Variants in DHRS4L2 observed in about 807,000 individuals in gnomAD.
The protein encoded by DHRS4L2 is dehydrogenase/reductase SDR family member 4-like 2.
DHRS4L2 carries 22 observed loss-of-function variants against 23.9 expected under a neutral mutation model. That is an observed-to-expected ratio of 0.92 (90% CI 0.66 to 1.31). The LOEUF (loss-of-function observed/expected upper bound fraction) is 1.31, where lower values mean the gene tolerates loss of function less well. Ranked by LOEUF, DHRS4L2 falls within the 40% of genes most tolerant of loss-of-function variation. DHRS4L2 has a pLI of 0.00. For synonymous variants in DHRS4L2, 141 were observed against 123.7 expected (o/e 1.14, Z -0.93); for missense variants, 385 against 303.3 (o/e 1.27, Z -2.00).
intron 1 of DHRS4L2, among the ~76,000 whole-genome samples, chr14:23,975,542 GCTACCACTGA>G (rs1424443501): frequency 6.6e-6 from 1 of 151,634 alleles, no homozygotes; most frequent in Non-Finnish European, 1.5e-5. Flanking sequence ...TCCCCATCAA[GCTACCACTGA>G]CTTTCCTCAC....
At chr14:23,980,597 T>G (rs2034034251) in intron 1 of DHRS4L2, among the ~76,000 whole-genome samples, 1 of 148,806 alleles carries the variant, frequency 6.7e-6, no homozygotes. Flanking sequence ...ATCAAAAAGC[T>G]TATCCACCAT....
chr14:23,970,739 C>A lies in DHRS4L2; in HGVS notation c.-176+407C>A, dbSNP rs1474564703. Among the ~76,000 whole-genome samples, 5 of 152,050 alleles carry A rather than the reference C, an allele frequency of 3.3e-5. 1 individual carries two copies. Among genetic ancestry groups the A allele is most frequent in the African/African-American group, 1.2e-4 (5 of 41,438 alleles). ...AGTAGGGGCGGAGAGACACCTCATA[C>A]AGGTGGGTGCCCCTGTGGAACAAAG... On this transcript the variant is annotated intron_variant, in intron 1 of 5. Coordinates refer to the DHRS4L2 transcript ENST00000534993.
At position 23,996,128 on chromosome 14, in the gene DHRS4L2, A is replaced by G. The variant is rs1478707899; in HGVS notation, c.408+995A>G. ...TTTAAACAACTAGTTCTGGCATGAA[A>G]TAATAGAGTGAGAACTCACTCATTG... On this transcript the variant is annotated intron_variant, in intron 3 of 7. Transcript: ENST00000335125. Among the ~76,000 whole-genome samples, 17 of 151,770 alleles carry G rather than the reference A, an allele frequency of 1.1e-4. No homozygotes were observed. In the East Asian group the frequency reaches 1.4e-3, roughly 12 times the overall value.
intron 1 of DHRS4L2, among the ~76,000 whole-genome samples, chr14:23,983,231 CA>C (rs1346286719): frequency 2.6e-5 from 4 of 151,666 alleles, no homozygotes; most frequent in Admixed American, 2.6e-4. Context: ...AGGATGTGAA[CA>C]GACACTTCTC....
chr14:23,970,728 G>A (rs1351942456), intron 1 of DHRS4L2, among the ~76,000 whole-genome samples: 2 of 152,030 alleles, frequency 1.3e-5, no homozygotes, highest in African/African-American at 4.8e-5. Context: ...GGGGCGGAGA[G>A]ACACCTCATA....
chr14:23,987,063 A>G (rs2034159739), upstream of DHRS4L2, among the ~76,000 whole-genome samples: 1 of 151,684 alleles, frequency 6.6e-6, no homozygotes, highest in Non-Finnish European at 1.5e-5. Flanking sequence ...GGAAAACACT[A>G]GAAATCCAGT....
At chr14:23,972,750 TATTG>T (rs1307517532) in intron 1 of DHRS4L2, among the ~76,000 whole-genome samples, 1 of 152,002 alleles carries the variant, frequency 6.6e-6, no homozygotes, top group Non-Finnish European at 1.5e-5. Context: ...CCTCAGTTTT[TATTG>T]ATTATTATCG....
At chr14:23,977,016 A>T (rs1314668581) in intron 1 of DHRS4L2, among the ~76,000 whole-genome samples, 1 of 151,816 alleles carries the variant, frequency 6.6e-6, no homozygotes, top group African/African-American at 2.4e-5. Flanking sequence ...TGACGAGTTG[A>T]TGGATCCAGC....
chr14:23,982,551 A>G (rs1171837168), intron 1 of DHRS4L2, among the ~76,000 whole-genome samples: 2 of 91,672 alleles, frequency 2.2e-5, no homozygotes, highest in Non-Finnish European at 3.6e-5. Flanking sequence ...ACCTGACTTC[A>G]AACTACTGCA....
intron 1 of DHRS4L2, 121 bp downstream of exon 1, chr14:23,989,196 GA>G (rs961689359): frequency 8.2e-6 from 12 of 1,472,070 alleles, no homozygotes; most frequent in Middle Eastern, 2.5e-4. Flanking sequence ...TCTGGCCATG[GA>G]AAAAAAGTAG....
At chr14:23,970,042 C>A (rs2033815022) in exon 1 of DHRS4L2, 1 of 456,274 alleles carries the variant, frequency 2.2e-6, no homozygotes, top group Admixed American at 2.3e-5. Context: ...GGCTGCTCCA[C>A]AGCGGTGTGG....
intron 3 of DHRS4L2, among the ~76,000 whole-genome samples, chr14:23,996,827 G>A (rs2034392682): frequency 1.3e-5 from 2 of 151,762 alleles, no homozygotes; most frequent in African/African-American, 2.4e-5. Flanking sequence ...TTGAGATGGG[G>A]TTTCACTGTG....
chr14:23,991,511 A>G (rs1459874292), intron 2 of DHRS4L2, among the ~76,000 whole-genome samples: 1 of 151,808 alleles, frequency 6.6e-6, no homozygotes, highest in Non-Finnish European at 1.5e-5. Context: ...CATGGCCTAC[A>G]GGCCTGGCCC....
chr14:23,970,236 C>G (rs767731458), exon 1 of DHRS4L2: 17 of 452,588 alleles, frequency 3.8e-5, no homozygotes, highest in Middle Eastern at 3.8e-4. Context: ...CCTCACACCC[C>G]GCTACCCCAA....
upstream of DHRS4L2, among the ~76,000 whole-genome samples, chr14:23,985,910 G>GTCAGGCTGGTCTTGAACTCT (rs2034132162): frequency 6.6e-6 from 1 of 151,456 alleles, no homozygotes; most frequent in Non-Finnish European, 1.5e-5. Flanking sequence ...CACCATGTTG[G>GTCAGGCTGGTCTTGAACTCT]TCAGGCTGGT....
chr14:23,994,897 C>T (rs1187502783), intron 2 of DHRS4L2, 135 bp from the exon 3 acceptor site: 9 of 1,048,896 alleles, frequency 8.6e-6, no homozygotes, highest in Middle Eastern at 2.6e-4. Flanking sequence ...GAGCCTCCCA[C>T]CTTGGCCTCC....
At chr14:24,001,148 A>G in intron 5 of DHRS4L2, 64 bp downstream of exon 5, 6 of 1,608,916 alleles carry the variant, frequency 3.7e-6, no homozygotes, top group South Asian at 3.3e-5. Context: ...CACCCCTCCT[A>G]TTACCCAAAG....
intron 2 of DHRS4L2, among the ~76,000 whole-genome samples, chr14:23,993,207 C>T (rs1331510474): frequency 6.6e-6 from 1 of 151,652 alleles, no homozygotes; most frequent in Non-Finnish European, 1.5e-5. Context: ...AGTAACAAGT[C>T]CATTGGTGAG....
intron 6 of DHRS4L2, 66 bp from the exon 7 acceptor site, chr14:24,004,269 TAA>T (rs750912070): frequency 0.031 from 37,399 of 1,221,520 alleles, no homozygotes; most frequent in East Asian, 0.042. Flanking sequence ...ACTCCGTCTC[TAA>T]AAAAAAAAAA....
Sources: gnomAD v4.1 joint callset for allele counts (sites outside exome capture counted in the v4.1 genomes callset) on GRCh38, gnomAD v4.1.1 for gene constraint, MANE v1.5 for transcripts, NCBI Gene and HGNC (gene_info 2026-07-23, HGNC 2026-07-21) for gene names.